The following CACNA2D1 variants were observed in gnomAD, a reference collection of about 807,000 sequenced individuals.
CACNA2D1 encodes calcium voltage-gated channel auxiliary subunit alpha2delta 1, also known as voltage-dependent calcium channel subunit alpha-2/delta-1.
A neutral mutation model predicts 171.5 loss-of-function variants in CACNA2D1; 53 were observed. That is an observed-to-expected ratio of 0.31 (90% CI 0.25 to 0.39). The LOEUF (loss-of-function observed/expected upper bound fraction) is 0.39, where lower values mean the gene tolerates loss of function less well. Ranked by LOEUF, CACNA2D1 falls within the 10% of genes least tolerant of loss-of-function variation. The probability of loss-of-function intolerance (pLI) is 1.00; values close to 1 mark genes in which losing one functional copy is unlikely to be tolerated. For synonymous variants in CACNA2D1, 442 were observed against 443.1 expected (o/e 1.00, Z 0.03); for missense variants, 903 against 1,299.8 (o/e 0.69, Z 4.69).
chr7:82,007,627 A>G, intron 16 of CACNA2D1, 52 bp downstream of exon 16: 1 of 946,724 alleles, frequency 1.1e-6, no homozygotes, highest in Non-Finnish European at 1.7e-6. Context: ...GTTGAGCTTC[A>G]ACGTCACAGT....
At chr7:81,974,291 G>C (rs543722100) in intron 25 of CACNA2D1, among the ~76,000 whole-genome samples, 164 bp downstream of exon 25, 2 of 151,846 alleles carry the variant, frequency 1.3e-5, no homozygotes, top group Non-Finnish European at 2.9e-5. Context: ...CATTTCTTTA[G>C]TTTGCAAAAT....
intron 3 of CACNA2D1, among the ~76,000 whole-genome samples, chr7:82,274,624 G>A (rs1421388218): frequency 1.3e-5 from 2 of 152,056 alleles, no homozygotes; most frequent in Non-Finnish European, 2.9e-5. Flanking sequence ...ATCACTGTTA[G>A]ATTATTCTTA....
intron 38 of CACNA2D1, among the ~76,000 whole-genome samples, chr7:81,956,244 G>A (rs1196770766): frequency 1.3e-5 from 2 of 151,764 alleles, no homozygotes; most frequent in Non-Finnish European, 2.9e-5. Flanking sequence ...AAAGTGCTGG[G>A]ATTATAGGCT....
intron 3 of CACNA2D1, among the ~76,000 whole-genome samples, chr7:82,273,453 T>C (rs972668440): frequency 6.6e-6 from 1 of 151,224 alleles, no homozygotes; most frequent in African/African-American, 2.4e-5. Flanking sequence ...TTATGTATTA[T>C]TGTATATCTT....
chr7:82,356,954 G>T (rs771065866), intron 1 of CACNA2D1, among the ~76,000 whole-genome samples: 3 of 152,026 alleles, frequency 2.0e-5, no homozygotes, highest in Non-Finnish European at 4.4e-5. Context: ...GCAGTACAAG[G>T]TTTCTAAATG....
Position 82,406,879 on chromosome 7 carries a change from T to C in CACNA2D1, c.95+36486A>G, listed in dbSNP as rs1309078014. On this transcript the variant is annotated intron_variant, in intron 1 of 38. Coordinates refer to ENST00000356860, the MANE Select transcript of CACNA2D1 (RefSeq NM_000722.4). ...TAATTTTATGCTTTCCACTTTCTTT[T>C]CAACTTTATCCAGATAATTCCTCCC... 4.6e-5 allele frequency among the ~76,000 whole-genome samples: 7 copies of C among 152,336 alleles called. No homozygotes were observed. In the East Asian group the frequency reaches 1.3e-3, roughly 29 times the overall value.
intron 4 of CACNA2D1, among the ~76,000 whole-genome samples, chr7:82,164,006 T>A (rs1795201536): frequency 6.6e-6 from 1 of 151,898 alleles, no homozygotes; most frequent in South Asian, 2.1e-4. Flanking sequence ...AGGCTATTAT[T>A]TTGCTAAAAG....
At chr7:82,005,986 A>G in intron 16 of CACNA2D1, 147 bp from the exon 17 acceptor site, 2 of 680,368 alleles carry the variant, frequency 2.9e-6, no homozygotes, top group Admixed American at 4.3e-5. Flanking sequence ...CTCAGTGTCA[A>G]TTTACAAGGA....
intron 4 of CACNA2D1, among the ~76,000 whole-genome samples, chr7:82,159,382 A>G (rs1422189067): frequency 6.6e-6 from 1 of 151,806 alleles, no homozygotes; most frequent in Non-Finnish European, 1.5e-5. Context: ...ATTTGAGACT[A>G]TTCATCAAGT....
At chr7:81,958,433 G>A (rs996397340) in intron 38 of CACNA2D1, among the ~76,000 whole-genome samples, 1 of 151,986 alleles carries the variant, frequency 6.6e-6, no homozygotes, top group African/African-American at 2.4e-5. Flanking sequence ...AGGAAGTATT[G>A]TATTTAAAAT....
At chr7:82,376,810 A>G (rs1823064998) in intron 1 of CACNA2D1, among the ~76,000 whole-genome samples, 1 of 152,192 alleles carries the variant, frequency 6.6e-6, no homozygotes, top group Non-Finnish European at 1.5e-5. Flanking sequence ...TCAGCTTTAT[A>G]CTTTTAAGAA....
intron 3 of CACNA2D1, among the ~76,000 whole-genome samples, chr7:82,320,719 T>C (rs377377755): frequency 1.3e-4 from 20 of 152,018 alleles, no homozygotes; most frequent in African/African-American, 4.8e-4. Context: ...GACTCCCATA[T>C]GCTGTTAGAC....
At chr7:82,255,494 A>G (rs1263185856) in intron 3 of CACNA2D1, among the ~76,000 whole-genome samples, 1 of 152,238 alleles carries the variant, frequency 6.6e-6, no homozygotes, top group Non-Finnish European at 1.5e-5. Context: ...CACAGTTGGC[A>G]TAACAGAAAC....
chr7:82,168,253 C>T (rs1795668816), intron 4 of CACNA2D1, among the ~76,000 whole-genome samples: 1 of 152,068 alleles, frequency 6.6e-6, no homozygotes, highest in Non-Finnish European at 1.5e-5. Flanking sequence ...AAGTGATTCT[C>T]CTGCCTCAGC....
chr7:82,148,918 T>G (rs1435997387), intron 4 of CACNA2D1, among the ~76,000 whole-genome samples: 1 of 152,230 alleles, frequency 6.6e-6, no homozygotes, highest in African/African-American at 2.4e-5. Flanking sequence ...ATTACAGGCG[T>G]GAGCCACTAC....
intron 15 of CACNA2D1, among the ~76,000 whole-genome samples, chr7:82,010,545 C>T (rs1173801582): frequency 6.6e-6 from 1 of 152,078 alleles, no homozygotes; most frequent in African/African-American, 2.4e-5. Flanking sequence ...ATTATTGACT[C>T]CTCCTATCAT....
intron 6 of CACNA2D1, among the ~76,000 whole-genome samples, chr7:82,088,792 T>C (rs1385720827): frequency 6.6e-6 from 1 of 152,156 alleles, no homozygotes; most frequent in Admixed American, 6.5e-5. Flanking sequence ...TTATATATTC[T>C]ATGATCTTTT....
chr7:82,148,568 G>A (rs2129103333), intron 4 of CACNA2D1, among the ~76,000 whole-genome samples: 1 of 152,262 alleles, frequency 6.6e-6, no homozygotes, highest in East Asian at 1.9e-4. Context: ...AAATAAAGGT[G>A]CATCCAGGAA....
chr7:82,329,910 C>T (rs1817099191), intron 3 of CACNA2D1, among the ~76,000 whole-genome samples: 1 of 152,072 alleles, frequency 6.6e-6, no homozygotes, highest in Admixed American at 6.6e-5. Flanking sequence ...GCTATCTACA[C>T]AGTCTTGGAT....
Sources: gnomAD v4.1 joint callset for allele counts (sites outside exome capture counted in the v4.1 genomes callset) on GRCh38, gnomAD v4.1.1 for gene constraint, MANE v1.5 for transcripts, NCBI Gene and HGNC (gene_info 2026-07-23, HGNC 2026-07-21) for gene names.